Variants in DGKH observed in about 807,000 individuals in gnomAD.
DGKH encodes DAG kinase eta.
In DGKH, 90 loss-of-function variants were observed where a neutral mutation model predicts 159.3. The observed-to-expected ratio is 0.57, with a 90% CI of 0.48 to 0.67. The LOEUF (loss-of-function observed/expected upper bound fraction) is 0.67, where lower values mean the gene tolerates loss of function less well. Among genes scored for constraint, DGKH ranks in the 30% least tolerant of loss-of-function variants. The probability of loss-of-function intolerance (pLI) is 0.00; values close to 1 mark genes in which losing one functional copy is unlikely to be tolerated. For missense variants in DGKH, 1,181 were observed against 1,506.1 expected (o/e 0.78, Z 3.57); for synonymous variants, 536 against 553.8 (o/e 0.97, Z 0.45).
At chr13:42,178,289 T>G (rs933582708) in intron 13 of DGKH, 69 bp downstream of exon 13, 3 of 1,238,760 alleles carry the variant, frequency 2.4e-6, no homozygotes, top group Non-Finnish European at 3.3e-6. Flanking sequence ...ACCATTTAGG[T>G]CATTTCTTTG....
At chr13:42,059,905 CTTTTT>C (rs11357293) in intron 1 of DGKH, among the ~76,000 whole-genome samples, 1 of 139,818 alleles carries the variant, frequency 7.2e-6, no homozygotes, top group South Asian at 2.3e-4. Flanking sequence ...TCTCTTTTTT[CTTTTT>C]TTTTTTTTTT....
intron 1 of DGKH, among the ~76,000 whole-genome samples, chr13:42,105,465 T>C (rs945854584): frequency 1.3e-5 from 2 of 152,170 alleles, no homozygotes. Context: ...ATTCCAACCA[T>C]AGCAGTGACC....
At chr13:42,068,728 A>G (rs578178722) in intron 1 of DGKH, among the ~76,000 whole-genome samples, 2 of 152,248 alleles carry the variant, frequency 1.3e-5, no homozygotes, top group East Asian at 3.9e-4. Context: ...ATTTTGCTCT[A>G]TTCATTTTGC....
chr13:42,194,928 C>T lies in DGKH; in HGVS notation c.2079C>T (p.Gly693=). 6.2e-7 allele frequency: 1 copy of T among 1,613,988 alleles called. No individual in the cohort carries two copies. Among genetic ancestry groups the T allele is most frequent in the Non-Finnish European group, 8.5e-7 (1 of 1,179,934 alleles). ...PRSPDARASY[G]HSQTDSVPGP... is the part of the protein sequence containing the mutation. ...CTCCAGATGCCCGGGCAAGTTATGG[C>T]CATTCCCAAACTGATTCTGTCCCTG... The change falls in exon 17 of 30, where the codon GGC becomes GGT. Residue 693 remains glycine, a synonymous_variant. Transcript: ENST00000337343.
chr13:42,040,613 G>T (rs987036777), intron 1 of DGKH, among the ~76,000 whole-genome samples: 2 of 151,082 alleles, frequency 1.3e-5, no homozygotes, highest in African/African-American at 4.9e-5. Context: ...GGCGGGGAGC[G>T]GACCGCTCGG....
At chr13:42,166,996 A>G (rs1316781324) in intron 9 of DGKH, among the ~76,000 whole-genome samples, 3 of 152,198 alleles carry the variant, frequency 2.0e-5, no homozygotes, top group African/African-American at 7.2e-5. Context: ...AATGATTTGC[A>G]TGGAAGGCTG....
At chr13:42,096,458 T>C (rs890243734) in intron 1 of DGKH, among the ~76,000 whole-genome samples, 1 of 152,230 alleles carries the variant, frequency 6.6e-6, no homozygotes, top group African/African-American at 2.4e-5. Flanking sequence ...CCGTGGTGTA[T>C]ATGTACCACA....
intron 1 of DGKH, among the ~76,000 whole-genome samples, chr13:42,068,456 A>G (rs766003524): frequency 1.3e-5 from 2 of 152,222 alleles, no homozygotes; most frequent in Non-Finnish European, 2.9e-5. Flanking sequence ...GGTAGATAAC[A>G]CACATATACC....
chr13:42,162,025 T>G (rs1956194624), intron 7 of DGKH, among the ~76,000 whole-genome samples: 1 of 152,194 alleles, frequency 6.6e-6, no homozygotes, highest in Admixed American at 6.5e-5. Flanking sequence ...TTACAGATGG[T>G]AGAAGGGAGG....
At chr13:42,225,778 A>AG (rs1475815647) in intron 29 of DGKH, among the ~76,000 whole-genome samples, 1 of 151,422 alleles carries the variant, frequency 6.6e-6, no homozygotes, top group East Asian at 1.9e-4. Flanking sequence ...GTCTCAAAAA[A>AG]AAAAAAAAGA....
chr13:42,063,010 C>A (rs1047196114), intron 1 of DGKH, among the ~76,000 whole-genome samples: 1 of 151,968 alleles, frequency 6.6e-6, no homozygotes, highest in African/African-American at 2.4e-5. Context: ...TAAAATGATT[C>A]TACATTCAGG....
At chr13:42,255,732 G>T (rs1958652403) in intron 30 of DGKH, 1 of 391,764 alleles carries the variant, frequency 2.6e-6, no homozygotes, top group Non-Finnish European at 4.5e-6. Flanking sequence ...ATAAATAAAT[G>T]ACATGTGGGA....
chr13:42,064,495 C>T lies in DGKH; in HGVS notation c.192+15530C>T, dbSNP rs774502717. On this transcript the variant is annotated intron_variant, in intron 1 of 29. Transcript: ENST00000337343. ...GTTTGTCTGTGTGTGCCAGGAAAAG[C>T]GTGGGTGGATACAGTAACAAGCTCT... Among the ~76,000 whole-genome samples the T allele has an allele frequency of 3.3e-5, 5 of 151,928 alleles. No individual in the cohort carries two copies. In the South Asian group the frequency reaches 6.2e-4, roughly 19 times the overall value.
intron 1 of DGKH, among the ~76,000 whole-genome samples, chr13:42,114,597 T>C (rs2137810020): frequency 6.6e-6 from 1 of 152,328 alleles, no homozygotes; most frequent in South Asian, 2.1e-4. Context: ...AGTGGAGTTA[T>C]CCAGCAGCAA....
chr13:42,049,988 A>G (rs970530946), intron 1 of DGKH, among the ~76,000 whole-genome samples: 5 of 152,242 alleles, frequency 3.3e-5, no homozygotes, highest in Admixed American at 6.5e-5. Context: ...TTTAAAAATA[A>G]ATTTGCAAAA....
At chr13:42,041,057 G>A (rs1476377009) in intron 1 of DGKH, among the ~76,000 whole-genome samples, 1 of 151,912 alleles carries the variant, frequency 6.6e-6, no homozygotes, top group Admixed American at 6.5e-5. Flanking sequence ...TCCCAGCCGG[G>A]TTAGCGCTTC....
At chr13:42,117,617 G>A (rs1954988452) in intron 1 of DGKH, among the ~76,000 whole-genome samples, 1 of 152,058 alleles carries the variant, frequency 6.6e-6, no homozygotes, top group African/African-American at 2.4e-5. Context: ...ACATAGAGAG[G>A]TTTGTAGCTT....
intron 1 of DGKH, among the ~76,000 whole-genome samples, chr13:42,099,003 A>C (rs1244526770): frequency 6.6e-6 from 1 of 152,238 alleles, no homozygotes; most frequent in African/African-American, 2.4e-5. Flanking sequence ...ATTGCAATAG[A>C]AGGTCAGAGA....
chr13:42,087,570 CAA>C lies in DGKH; in HGVS notation c.192+38606_192+38607del, dbSNP rs1594009282. On this transcript the variant is annotated intron_variant, in intron 1 of 29. Transcript: ENST00000337343. ...CAAGGAGGTAAAAAAAACATGAACA[CAA>C]GAGGATTCATAAAGGACTCAGATTC... 3.9e-5 allele frequency among the ~76,000 whole-genome samples: 6 copies of C among 151,974 alleles called. No individual in the cohort carries two copies. The South Asian group carries it at 1.0e-3, about 26-fold the overall frequency.
Sources: allele counts gnomAD v4.1 joint callset (sites outside exome capture counted in the v4.1 genomes callset), GRCh38; gene constraint gnomAD v4.1.1; transcripts MANE v1.5; gene names NCBI Gene and HGNC (gene_info 2026-07-23, HGNC 2026-07-21).